Variants in NBAS observed in about 807,000 individuals in gnomAD.
NBAS encodes the protein NAG/BC035112 fusion.
In NBAS, 219 loss-of-function variants were observed where a neutral mutation model predicts 302.5. The ratio of observed to expected loss-of-function variants is 0.72; its 90% CI spans 0.65 to 0.81. The LOEUF (loss-of-function observed/expected upper bound fraction) is 0.81, where lower values mean the gene tolerates loss of function less well. NBAS is among the 30% of genes least tolerant of loss of function. NBAS has a pLI of 0.00. For missense variants in NBAS, 2,932 were observed against 2,841.6 expected (o/e 1.03, Z -0.72); for synonymous variants, 1,118 against 1,021.6 (o/e 1.09, Z -1.80).
intron 37 of NBAS, 149 bp from the exon 38 acceptor site, chr2:15,328,019 T>G: frequency 3.8e-6 from 5 of 1,322,462 alleles, no homozygotes; most frequent in Non-Finnish European, 5.3e-6. Flanking sequence ...TGAAACATTT[T>G]TAAACAGATT....
the NBAS span, among the ~76,000 whole-genome samples, chr2:15,093,681 A>G: frequency 6.6e-6 from 1 of 152,236 alleles, no homozygotes; most frequent in Non-Finnish European, 1.5e-5. Context: ...AAAAAAGTAA[A>G]TTATGTCCAA....
chr2:15,255,764 G>A (rs1668564587), intron 44 of NBAS, among the ~76,000 whole-genome samples: 1 of 152,080 alleles, frequency 6.6e-6, no homozygotes, highest in South Asian at 2.1e-4. Context: ...TCTTCTACAG[G>A]TGGCTTGCCA....
rs1448921874 is a variant in NBAS at position 15,528,424 on chromosome 2, TTATA to T, written c.746+6115_746+6118del. The stretch of plus-strand genomic sequence containing the variant: ...AATGTTTATATTATTTATATTATGT[TTATA>T]TAATATATATTTTTAATATATATGA... On this transcript the variant is annotated intron_variant, in intron 9 of 51. Coordinates refer to ENST00000281513, the MANE Select transcript of NBAS (RefSeq NM_015909.4). Among the ~76,000 whole-genome samples, 28 of 147,850 alleles carry T rather than the reference TTATA, an allele frequency of 1.9e-4. 1 individual carries two copies. In the South Asian group the frequency reaches 5.7e-3, roughly 30 times the overall value.
intron 2 of NBAS, 100 bp from the exon 3 acceptor site, chr2:15,556,919 C>T (rs545091965): frequency 3.3e-5 from 30 of 907,856 alleles, no homozygotes; most frequent in East Asian, 2.5e-4. Context: ...TACTACAGAG[C>T]GAGTCATTAA....
Position 15,394,300 on chromosome 2 carries a change from C to A in NBAS, c.3184G>T (p.Val1062Phe), listed in dbSNP as rs1225635551. The A allele has an allele frequency of 2.5e-6, 4 of 1,613,078 alleles. No homozygotes were observed. Among genetic ancestry groups the A allele is most frequent in the Non-Finnish European group, 3.4e-6 (4 of 1,179,428 alleles). ...KHGLEKPISF[V>F]KNTQSSSEEA... ...TCTGAGCTAGATTGAGTGTTTTTAA[C>A]AAATGAAATTGGTTTCTCGAGTCCA... The change falls in exon 28 of 52, where the codon GTT becomes TTT. Residue 1062 changes from valine (V) to phenylalanine (F), a missense_variant. By Grantham distance (50) the Val-to-Phe change is conservative (BLOSUM62 -1). Transcript: ENST00000281513.
chr2:15,178,224 T>C (rs1172213147), intron 51 of NBAS: 2 of 461,290 alleles, frequency 4.3e-6, no homozygotes, highest in Admixed American at 2.4e-5. Context: ...ATATATACAA[T>C]GTAAAATTAC....
the NBAS span, among the ~76,000 whole-genome samples, chr2:15,069,127 C>T: frequency 1.3e-5 from 2 of 152,224 alleles, no homozygotes; most frequent in Admixed American, 6.5e-5. Context: ...CTCTCAAATG[C>T]ACCACCTTTC....
At chr2:15,119,235 C>T in the NBAS span, among the ~76,000 whole-genome samples, 9 of 151,628 alleles carry the variant, frequency 5.9e-5, no homozygotes, top group African/African-American at 1.5e-4. Context: ...GTGTGGCCAC[C>T]GTCTGGCTGA....
the NBAS span, among the ~76,000 whole-genome samples, chr2:14,779,731 T>G: frequency 3.3e-5 from 5 of 152,178 alleles, no homozygotes; most frequent in African/African-American, 1.2e-4. Flanking sequence ...TACTATATAT[T>G]TGTTTGTTGT....
chr2:15,219,087 TC>T, intron 47 of NBAS, 119 bp from the exon 48 acceptor site: 1 of 1,250,980 alleles, frequency 8.0e-7, no homozygotes, highest in Non-Finnish European at 1.1e-6. Context: ...GTTTTTTTCC[TC>T]TTGAAAGGAA....
chr2:14,977,471 G>A, the NBAS span, among the ~76,000 whole-genome samples: 1 of 152,168 alleles, frequency 6.6e-6, no homozygotes, highest in Non-Finnish European at 1.5e-5. Context: ...GTAAGGTTTG[G>A]TATTCAAATT....
chr2:15,392,944 A>C lies in NBAS; in HGVS notation c.3257+1283T>G, dbSNP rs115348629. Among the ~76,000 whole-genome samples, 1,026 of 152,188 alleles carry C rather than the reference A, an allele frequency of 6.7e-3. 12 individuals are homozygous for C. The highest frequency in any genetic ancestry group is 0.022 in the African/African-American group (925 of 41,562). On this transcript the variant is annotated intron_variant, in intron 28 of 51. Transcript: ENST00000281513. ...AATGGATCAATGGAACAAAATAATC[A>C]AAAACTAGGCCCCCATTTACACAGA...
rs755726542 is a variant in NBAS, at chr2:15,461,753, A to G, written c.2136T>C (p.Tyr712=). The change falls in exon 20 of 52, where the codon TAT becomes TAC. Residue 712 remains tyrosine, a synonymous_variant. Coordinates refer to ENST00000281513, the MANE Select transcript of NBAS (RefSeq NM_015909.4). ...LGVPHASEQR[Y]DAEFFKKFRN... is the part of the protein sequence containing the mutation. ...TGAATTTCTTAAAGAATTCAGCATCATATCTCTGTTCAGATGCATGAGGCA... is the reference window on the plus strand; with the variant it reads ...TGAATTTCTTAAAGAATTCAGCATCGTATCTCTGTTCAGATGCATGAGGCA... 4 of 1,608,328 alleles carry G rather than the reference A, an allele frequency of 2.5e-6. No individual in the cohort carries two copies. Among genetic ancestry groups the G allele is most frequent in the East Asian group, 2.2e-5 (1 of 44,720 alleles).
At chr2:15,482,249 G>A (rs947322216) in intron 12 of NBAS, among the ~76,000 whole-genome samples, 4 of 152,094 alleles carry the variant, frequency 2.6e-5, no homozygotes, top group Non-Finnish European at 5.9e-5. Flanking sequence ...TCCCGACTCA[G>A]CCTCCCGAGT....
chr2:14,865,535 A>G, the NBAS span, among the ~76,000 whole-genome samples: 4 of 152,200 alleles, frequency 2.6e-5, no homozygotes, highest in African/African-American at 7.2e-5. Flanking sequence ...CTAGGCTTAA[A>G]AAGAAAATCC....
chr2:15,093,090 C>T, the NBAS span, among the ~76,000 whole-genome samples: 5 of 152,240 alleles, frequency 3.3e-5, no homozygotes, highest in South Asian at 2.1e-4. Context: ...TCAATGACTG[C>T]TTAGTAATCA....
intron 48 of NBAS, among the ~76,000 whole-genome samples, chr2:15,205,594 G>C (rs1230346192): frequency 1.3e-5 from 2 of 152,142 alleles, no homozygotes; most frequent in Non-Finnish European, 2.9e-5. Flanking sequence ...ATGGAAACCA[G>C]GAAAGAGCAG....
intron 49 of NBAS, among the ~76,000 whole-genome samples, chr2:15,188,822 G>C (rs1418018622): frequency 6.6e-6 from 1 of 152,174 alleles, no homozygotes; most frequent in Non-Finnish European, 1.5e-5. Context: ...TCTCTTAGAG[G>C]TGTCATATTT....
intron 2 of NBAS, among the ~76,000 whole-genome samples, chr2:15,557,974 C>T (rs1004843250): frequency 1.3e-5 from 2 of 152,214 alleles, no homozygotes; most frequent in Non-Finnish European, 2.9e-5. Context: ...TGAAACACCA[C>T]ATAGACCTCT....
Sources: allele counts gnomAD v4.1 joint callset (sites outside exome capture counted in the v4.1 genomes callset), GRCh38; gene constraint gnomAD v4.1.1; transcripts MANE v1.5; gene names NCBI Gene and HGNC (gene_info 2026-07-23, HGNC 2026-07-21).